The following NAV2 variants were observed in gnomAD, a reference collection of about 807,000 sequenced individuals.
The protein encoded by NAV2 is helicase, APC down-regulated 1.
NAV2 carries 54 observed loss-of-function variants against 223.2 expected under a neutral mutation model. That is an observed-to-expected ratio of 0.24 (90% CI 0.19 to 0.30). The LOEUF (loss-of-function observed/expected upper bound fraction) is 0.30. Ranked by LOEUF, NAV2 falls within the 10% of genes least tolerant of loss-of-function variation. NAV2 has a pLI of 1.00. For synonymous variants in NAV2, 1,279 were observed against 1,239.3 expected (o/e 1.03, Z -0.67); for missense variants, 2,806 against 3,147.5 (o/e 0.89, Z 2.60).
intron 11 of NAV2, among the ~76,000 whole-genome samples, chr11:19,994,846 G>A (rs1215221887): frequency 6.6e-6 from 1 of 152,176 alleles, no homozygotes; most frequent in Non-Finnish European, 1.5e-5. Flanking sequence ...TCAATGTCAA[G>A]GTTGGGTTTG....
rs1389230010 is a variant in NAV2, at chr11:20,054,189, G to A, written c.4591G>A (p.Gly1531Ser). The part of the protein sequence containing the change: ...DTAANSPFSS[G>S]SSVTSPSGTR... ...CGCTGCCAATTCCCCCTTTTCCTCT[G>A]GCTCCAGCGTGACTTCTCCCTCCGG... The change falls in exon 18 of 38, where the codon GGC becomes AGC. Residue 1531 changes from glycine to serine, a missense_variant. This residue lies in a region of NAV2 where 742 missense variants were observed against 777.9 expected (regional missense o/e 0.95). Transcript: ENST00000349880. 3 of 1,613,212 alleles carry A rather than the reference G, an allele frequency of 1.9e-6. No homozygotes were observed. In the African/African-American group the frequency reaches 4.0e-5, roughly 22 times the overall value.
intron 31 of NAV2, among the ~76,000 whole-genome samples, chr11:20,099,494 C>T (rs973050432): frequency 1.3e-5 from 2 of 152,218 alleles, no homozygotes; most frequent in African/African-American, 2.4e-5. Context: ...CGTGCCACCC[C>T]TCTGCAGACC....
chr11:19,365,260 A>C (rs536474873), intron 1 of NAV2, among the ~76,000 whole-genome samples: 4 of 152,182 alleles, frequency 2.6e-5, no homozygotes, highest in Non-Finnish European at 5.9e-5. Context: ...GATTCATCTC[A>C]CATTTCTATC....
chr11:19,718,606 C>T (rs1246434405), intron 1 of NAV2, among the ~76,000 whole-genome samples: 1 of 138,594 alleles, frequency 7.2e-6, no homozygotes, highest in Non-Finnish European at 1.6e-5. Flanking sequence ...TTGATTAGTG[C>T]ATTTTTCTGC....
chr11:19,586,442 G>A (rs916775629), intron 1 of NAV2, among the ~76,000 whole-genome samples: 1 of 152,186 alleles, frequency 6.6e-6, no homozygotes, highest in Non-Finnish European at 1.5e-5. Context: ...TCCTTTGTAG[G>A]AGGAGAGGTG....
At chr11:19,887,935 T>G (rs2041155748) in intron 5 of NAV2, among the ~76,000 whole-genome samples, 2 of 117,280 alleles carry the variant, frequency 1.7e-5, no homozygotes. Context: ...GAAGTGGTTT[T>G]GGGGGAAAGA....
chr11:20,097,726 C>T lies in NAV2; in HGVS notation c.6162C>T (p.Thr2054=), dbSNP rs1333380141. The T allele has an allele frequency of 1.3e-6, 2 of 1,599,538 alleles. No homozygotes were observed. The highest frequency in any genetic ancestry group is 1.7e-6 in the Non-Finnish European group (2 of 1,175,536). The change falls in exon 31 of 38, where the codon ACC becomes ACT. Residue 2054 remains threonine, a synonymous_variant. Coordinates refer to ENST00000349880, the MANE Select transcript of NAV2 (RefSeq NM_145117.5). ...PCGYLVGENT[T]ISVTVKGLAE... Reference sequence around the variant, plus strand: ...GCTATCTGGTTGGAGAGAACACGACCATCTCAGTGACTGTGAAAGGTAATT... The same window carrying T: ...GCTATCTGGTTGGAGAGAACACGACTATCTCAGTGACTGTGAAAGGTAATT...
At chr11:19,525,925 A>G (rs1391708685) in intron 1 of NAV2, among the ~76,000 whole-genome samples, 1 of 152,018 alleles carries the variant, frequency 6.6e-6, no homozygotes, top group Non-Finnish European at 1.5e-5. Flanking sequence ...CTGGACGTGT[A>G]TCCTAGGGTG....
At chr11:19,564,106 C>T (rs535491459) in intron 1 of NAV2, among the ~76,000 whole-genome samples, 1 of 152,330 alleles carries the variant, frequency 6.6e-6, no homozygotes, top group Non-Finnish European at 1.5e-5. Context: ...CCGACCCCTA[C>T]CCCTCCAGGG....
chr11:19,353,232 G>A (rs1042041440), intron 1 of NAV2, among the ~76,000 whole-genome samples: 3 of 152,176 alleles, frequency 2.0e-5, no homozygotes, highest in Non-Finnish European at 4.4e-5. Context: ...AGACAATTGT[G>A]AGATAAGTCA....
At chr11:19,988,322 G>T (rs936870483) in intron 11 of NAV2, among the ~76,000 whole-genome samples, 3 of 152,192 alleles carry the variant, frequency 2.0e-5, no homozygotes, top group Non-Finnish European at 4.4e-5. Context: ...AGATCAGGAG[G>T]AGGACTTTGG....
chr11:19,928,095 C>A (rs886924847), intron 6 of NAV2, among the ~76,000 whole-genome samples: 1 of 152,152 alleles, frequency 6.6e-6, no homozygotes. Context: ...TTACGTTTTT[C>A]AAAAGAACAC....
At chr11:19,959,748 TAA>T (rs2048193107) in intron 10 of NAV2, among the ~76,000 whole-genome samples, 1 of 152,168 alleles carries the variant, frequency 6.6e-6, no homozygotes, top group Non-Finnish European at 1.5e-5. Flanking sequence ...TCCTTAGACA[TAA>T]GACCATAACT....
chr11:20,042,696 G>A (rs1473115866), intron 12 of NAV2, among the ~76,000 whole-genome samples: 7 of 152,024 alleles, frequency 4.6e-5, no homozygotes, highest in African/African-American at 1.7e-4. Flanking sequence ...CAGGCGTTAG[G>A]CAGATTCTTG....
At chr11:19,383,247 A>G (rs1393613560) in intron 1 of NAV2, among the ~76,000 whole-genome samples, 1 of 152,122 alleles carries the variant, frequency 6.6e-6, no homozygotes, top group Non-Finnish European at 1.5e-5. Context: ...ACAAAATATG[A>G]GCAGAAGAGC....
At chr11:19,538,562 C>T (rs141239774) in intron 1 of NAV2, among the ~76,000 whole-genome samples, 1 of 151,694 alleles carries the variant, frequency 6.6e-6, no homozygotes, top group African/African-American at 2.4e-5. Flanking sequence ...CTGTGTTTTC[C>T]TGGCTGATCT....
At position 19,454,795 on chromosome 11, in the gene NAV2, G is replaced by T. The variant is rs139169700; in HGVS notation, c.75+103768G>T. 6.6e-5 allele frequency among the ~76,000 whole-genome samples: 10 copies of T among 152,314 alleles called. No homozygotes were observed. The East Asian group carries it at 1.9e-3, about 29-fold the overall frequency. On this transcript the variant is annotated intron_variant, in intron 1 of 37. Transcript: ENST00000360655. The stretch of plus-strand genomic sequence containing the variant: ...GGGCAATTGATTTGAGAAGGAGCTA[G>T]CAAGGGGAGTGTTGGGAGGTGGGAG...
rs1212797432 is a variant in NAV2 at position 19,859,395 on chromosome 11, G to A, written c.439-9530G>A. Among the ~76,000 whole-genome samples the A allele has an allele frequency of 4.0e-5, 6 of 149,380 alleles. No homozygotes were observed. The East Asian group carries it at 6.0e-4, about 15-fold the overall frequency. The stretch of plus-strand genomic sequence containing the variant: ...TGTTTAACAAAGCACATCTTGCACC[G>A]CCCTTAATCCATTTAACCCTGAGTG... On this transcript the variant is annotated intron_variant, in intron 3 of 37. Transcript: ENST00000349880.
chr11:19,884,234 T>A (rs1240758828), intron 5 of NAV2: 30 of 1,259,144 alleles, frequency 2.4e-5, no homozygotes, highest in Non-Finnish European at 1.5e-5. Context: ...GATTTGTGTG[T>A]CTAATGTATC....
Sources: allele counts gnomAD v4.1 joint callset (sites outside exome capture counted in the v4.1 genomes callset), GRCh38; gene constraint gnomAD v4.1.1; regional missense constraint gnomAD v4.1.1; transcripts MANE v1.5; gene names NCBI Gene and HGNC (gene_info 2026-07-23, HGNC 2026-07-21).